Variants in POLA1 observed in about 807,000 individuals in gnomAD.
POLA1 encodes the protein DNA polymerase alpha 1, catalytic subunit, also known as DNA polymerase alpha catalytic subunit.
A neutral mutation model predicts 124.0 loss-of-function variants in POLA1; 15 were observed. The ratio of observed to expected loss-of-function variants is 0.12; its 90% CI spans 0.08 to 0.19. The LOEUF (loss-of-function observed/expected upper bound fraction) is 0.19. Ranked by LOEUF, POLA1 falls within the 10% of genes least tolerant of loss-of-function variation. The pLI is 1.00. For synonymous variants in POLA1, 408 were observed against 389.4 expected (o/e 1.05, Z -0.56); for missense variants, 886 against 1,103.4 (o/e 0.80, Z 2.79).
chrX:24,767,569 T>A (rs1047134785), intron 26 of POLA1, among the ~76,000 whole-genome samples: 3 of 112,418 alleles, frequency 2.7e-5, no homozygotes, highest in African/African-American at 9.7e-5. Context: ...GTCCAAAAAA[T>A]TTTTTTCTAA....
At chrX:24,991,214 C>CA (rs1278895293) in intron 36 of POLA1, among the ~76,000 whole-genome samples, 5 of 107,711 alleles carry the variant, frequency 4.6e-5, no homozygotes, top group Non-Finnish European at 7.7e-5. Context: ...CACACCCACC[C>CA]AAAAAAAAAT....
intron 26 of POLA1, among the ~76,000 whole-genome samples, chrX:24,757,790 G>A (rs1170538615): frequency 9.0e-6 from 1 of 111,286 alleles, no homozygotes; most frequent in African/African-American, 3.3e-5. Context: ...AATGCTCATG[G>A]AGCATTTTGT....
At chrX:24,905,561 C>G (rs778649169) in intron 35 of POLA1, among the ~76,000 whole-genome samples, 9 of 95,720 alleles carry the variant, frequency 9.4e-5, no homozygotes, top group Non-Finnish European at 1.3e-4. Context: ...AACCCCCCCC[C>G]CCTTTTTTTT....
intron 35 of POLA1, among the ~76,000 whole-genome samples, chrX:24,911,922 A>G (rs2047453972): frequency 8.9e-6 from 1 of 112,518 alleles, no homozygotes; most frequent in Non-Finnish European, 1.9e-5. Flanking sequence ...AAGAAATTGT[A>G]TTTATAGTTA....
chrX:24,710,855 C>T (rs757541195), intron 4 of POLA1, among the ~76,000 whole-genome samples: 7 of 109,876 alleles, frequency 6.4e-5, no homozygotes, highest in South Asian at 4.0e-4. Context: ...TAGTAGAGAC[C>T]GGGTTTCACC....
intron 34 of POLA1, among the ~76,000 whole-genome samples, chrX:24,851,535 G>A (rs1429309939): frequency 2.6e-5 from 3 of 113,278 alleles, no homozygotes; most frequent in Non-Finnish European, 5.6e-5. Context: ...GAGTCCAGAA[G>A]GCTGATGATA....
chrX:24,840,586 A>T (rs775601590), intron 32 of POLA1, among the ~76,000 whole-genome samples: 2 of 112,230 alleles, frequency 1.8e-5, no homozygotes, highest in Non-Finnish European at 3.8e-5. Flanking sequence ...CATCTGTTAG[A>T]TTTATCTACC....
intron 26 of POLA1, among the ~76,000 whole-genome samples, chrX:24,778,500 G>A (rs2045190245): frequency 1.8e-5 from 2 of 112,030 alleles, no homozygotes; most frequent in South Asian, 3.7e-4. Context: ...CAAAGTGATG[G>A]GATTACAGGC....
chrX:24,958,386 G>A (rs1043112073), intron 36 of POLA1, among the ~76,000 whole-genome samples: 3 of 111,674 alleles, frequency 2.7e-5, no homozygotes, highest in African/African-American at 6.5e-5. Flanking sequence ...TCCTAGTTAC[G>A]AAACCCAATG....
At chrX:24,839,797 A>G (rs1332386585) in intron 32 of POLA1, among the ~76,000 whole-genome samples, 1 of 112,351 alleles carries the variant, frequency 8.9e-6, no homozygotes, top group Non-Finnish European at 1.9e-5. Context: ...GGTCAGAGAA[A>G]AAGTGAAGCT....
rs746408076 is a variant in POLA1 at position 24,699,428 on chromosome X, T to C, written c.47T>C (p.Leu16Pro). Residue 16 changes from leucine to proline, a missense_variant, in exon 2 of 37, where the codon CTG (leucine) becomes CCG (proline). Physicochemically the swap from Leu to Pro is moderately conservative, Grantham distance 98. Around this residue, in one of 7 missense-constraint regions of POLA1, gnomAD observed 49 missense variants for 39.2 expected, o/e 1.25. Transcript: ENST00000379068. ...GDDCEIGASA[L>P]SDSGSFVSSR... is the part of the protein sequence containing the mutation. The stretch of plus-strand genomic sequence containing the variant: ...TAAATTTTTTTTCTTTTTTCAGCTC[T>C]GTCAGATTCAGGGAGTTTTGTATCT... The C allele has an allele frequency of 1.7e-6, 2 of 1,159,944 alleles. No homozygotes were observed. The highest frequency in any genetic ancestry group is 5.0e-5 in the Admixed American group (2 of 39,993).
In POLA1 at chrX:24,732,422, C is replaced by T. The variant is rs781088284; in HGVS notation, c.1739C>T (p.Ala580Val). Residue 580 changes from alanine (A) to valine (V), a missense_variant, in exon 16 of 37, where the codon GCC (alanine) becomes GTC (valine). This residue lies in a region of POLA1 where 337 missense variants were observed against 402.8 expected (regional missense o/e 0.84). Coordinates refer to ENST00000379068, the MANE Select transcript of POLA1 (RefSeq NM_001330360.2). Reference protein sequence around the residue: ...VHHSFALDKAAPKPPFQSHFC... With the variant: ...VHHSFALDKAVPKPPFQSHFC... Reference sequence around the variant, plus strand: ...CACAGTTTTGCATTGGATAAAGCAGCCCCAAAGCCTCCCTTTCAGTCACAC... The same window carrying T: ...CACAGTTTTGCATTGGATAAAGCAGTCCCAAAGCCTCCCTTTCAGTCACAC... 1.7e-6 allele frequency: 2 copies of T among 1,188,837 alleles called. No individual in the cohort carries two copies. The highest frequency in any genetic ancestry group is 3.6e-5 in the South Asian group (2 of 56,272).
At chrX:24,784,059 C>CTTTTT (rs11295214) in intron 26 of POLA1, among the ~76,000 whole-genome samples, 5 of 59,506 alleles carry the variant, frequency 8.4e-5, no homozygotes, top group Admixed American at 2.1e-4. Flanking sequence ...ATTTATATTT[C>CTTTTT]TTTTTTTTTT....
intron 26 of POLA1, chrX:24,788,859 C>T (rs763476277): frequency 6.0e-5 from 72 of 1,194,014 alleles, no homozygotes; most frequent in Non-Finnish European, 7.8e-5. Context: ...TTCTTCACTC[C>T]TGGCAGGCTG....
chrX:24,786,734 C>T (rs1230789082), intron 26 of POLA1, among the ~76,000 whole-genome samples: 1 of 90,216 alleles, frequency 1.1e-5, no homozygotes, highest in Non-Finnish European at 2.1e-5. Context: ...CTGGCCCAGG[C>T]TGGAGTATAG....
At chrX:24,874,306 T>A (rs2046904438) in intron 34 of POLA1, among the ~76,000 whole-genome samples, 1 of 112,290 alleles carries the variant, frequency 8.9e-6, no homozygotes, top group Admixed American at 9.5e-5. Context: ...TTAAGAACTA[T>A]ATTTTATTGT....
intron 26 of POLA1, among the ~76,000 whole-genome samples, chrX:24,752,790 T>G (rs1015500990): frequency 9.0e-6 from 1 of 111,499 alleles, no homozygotes; most frequent in African/African-American, 3.3e-5. Context: ...TAATTATGAT[T>G]TTTTAATCAT....
At chrX:24,714,972 A>G (rs754543641) in intron 5 of POLA1, among the ~76,000 whole-genome samples, 169 bp from the exon 6 acceptor site, 13 of 112,548 alleles carry the variant, frequency 1.2e-4, no homozygotes, top group African/African-American at 3.5e-4. Flanking sequence ...AATGCTATAT[A>G]CACAGGTGGT....
chrX:24,734,272 A>G (rs1423957960), intron 17 of POLA1: 1 of 112,367 alleles, frequency 8.9e-6, no homozygotes, highest in Admixed American at 9.4e-5. Flanking sequence ...AGCGTGCTCC[A>G]TGAAGAAGTT....
Sources: allele counts gnomAD v4.1 joint callset (sites outside exome capture counted in the v4.1 genomes callset), GRCh38; gene constraint gnomAD v4.1.1; regional missense constraint gnomAD v4.1.1; transcripts MANE v1.5; gene names NCBI Gene and HGNC (gene_info 2026-07-23, HGNC 2026-07-21).